RTF1: variants seen among roughly 807,000 people sequenced by gnomAD.
RTF1 encodes the protein RNA polymerase-associated protein RTF1 homolog.
A neutral mutation model predicts 95.7 loss-of-function variants in RTF1; 10 were observed. That is an observed-to-expected ratio of 0.10 (90% CI 0.06 to 0.18). The LOEUF is 0.18. RTF1 is among the 10% of genes least tolerant of loss of function. The pLI is 1.00. For missense variants in RTF1, 458 were observed against 875.6 expected (o/e 0.52, Z 6.02); for synonymous variants, 305 against 311.8 (o/e 0.98, Z 0.23).
intron 1 of RTF1, among the ~76,000 whole-genome samples, chr15:41,429,999 A>ATTTTTTTTTTT (rs2050660492): frequency 7.3e-6 from 1 of 137,562 alleles, no homozygotes; most frequent in Non-Finnish European, 1.6e-5. Flanking sequence ...AATTTATTTT[A>ATTTTTTTTTTT]TTTTTTCTTT....
chr15:41,438,439 T>A lies in RTF1; in HGVS notation c.309+8T>A, dbSNP rs1281998655. 1 of 1,541,242 alleles carries A rather than the reference T, an allele frequency of 6.5e-7. No individual in the cohort carries two copies. The highest frequency in any genetic ancestry group is 1.4e-5 in the African/African-American group (1 of 72,832). On this transcript the variant is annotated splice_region_variant and intron_variant, in intron 2 of 17. Transcript: ENST00000389629. ...TCTGACAGTGACGATGAGGTGGGTGTGGAGGGCCTCGGCTTCTGGGACCAT... is the reference window on the plus strand; with the variant it reads ...TCTGACAGTGACGATGAGGTGGGTGAGGAGGGCCTCGGCTTCTGGGACCAT...
At chr15:41,419,257 A>G (rs1305311932) in intron 1 of RTF1, among the ~76,000 whole-genome samples, 3 of 152,228 alleles carry the variant, frequency 2.0e-5, no homozygotes, top group African/African-American at 4.8e-5. Context: ...GACAATAACA[A>G]CATTGGCTAC....
chr15:41,439,216 A>C (rs1051369047), intron 2 of RTF1, among the ~76,000 whole-genome samples: 1 of 150,958 alleles, frequency 6.6e-6, no homozygotes, highest in Non-Finnish European at 1.5e-5. Context: ...TTTTATTTTT[A>C]GTAGAGACGG....
chr15:41,439,506 A>T (rs80040310), intron 2 of RTF1, among the ~76,000 whole-genome samples: 4,125 of 152,186 alleles, frequency 0.027, 78 homozygotes, highest in Middle Eastern at 0.082. Context: ...GGAAAATCCA[A>T]CTGTTCATTG....
intron 1 of RTF1, among the ~76,000 whole-genome samples, chr15:41,426,424 G>C (rs2050629891): frequency 6.6e-6 from 1 of 151,818 alleles, no homozygotes; most frequent in Non-Finnish European, 1.5e-5. Flanking sequence ...TTCTGCCTCA[G>C]CCTCCCGAGT....
At chr15:41,436,986 T>C (rs1241891554) in intron 1 of RTF1, among the ~76,000 whole-genome samples, 2 of 144,488 alleles carry the variant, frequency 1.4e-5, no homozygotes, top group Admixed American at 6.9e-5. Flanking sequence ...ACTCGGGAGG[T>C]TGACTCAGGA....
chr15:41,470,781 C>T (rs2050907381), intron 7 of RTF1, among the ~76,000 whole-genome samples: 3 of 151,048 alleles, frequency 2.0e-5, no homozygotes, highest in South Asian at 2.1e-4. Flanking sequence ...GCCTCAGCCT[C>T]CCAAGTAGCT....
intron 8 of RTF1, among the ~76,000 whole-genome samples, chr15:41,472,378 T>C (rs139530277): frequency 0.015 from 2,283 of 151,700 alleles, 54 homozygotes; most frequent in African/African-American, 0.053. Context: ...GGCTACTGTT[T>C]GTATTTTTAG....
In RTF1 at chr15:41,475,797, T is replaced by A; in HGVS notation, c.1460T>A (p.Phe487Tyr). ...LSIKEALNYK[F>Y]NDQDIEEIVK... ...ATTAAAGAAGCTCTTAATTATAAATTCAATGATCAGGACATTGAAGAGGTA... is the reference window on the plus strand; with the variant it reads ...ATTAAAGAAGCTCTTAATTATAAATACAATGATCAGGACATTGAAGAGGTA... Residue 487 changes from phenylalanine (F) to tyrosine (Y), a missense_variant, in exon 11 of 18, where the codon TTC (phenylalanine) becomes TAC (tyrosine). Coordinates refer to ENST00000389629, the MANE Select transcript of RTF1 (RefSeq NM_015138.5). The A allele has an allele frequency of 6.3e-7, 1 of 1,590,392 alleles. No homozygotes were observed. Among genetic ancestry groups the A allele is most frequent in the Non-Finnish European group, 8.6e-7 (1 of 1,160,434 alleles).
intron 6 of RTF1, among the ~76,000 whole-genome samples, chr15:41,468,995 ATC>A (rs1055206091): frequency 6.6e-6 from 1 of 151,086 alleles, no homozygotes; most frequent in Non-Finnish European, 1.5e-5. Context: ...TTGAGACAGG[ATC>A]TCTCTCTGTT....
Position 41,433,843 on chromosome 15 carries a change from CTTT to C in RTF1, c.199-4459_199-4457del, listed in dbSNP as rs11326489. Among the ~76,000 whole-genome samples, 294 of 126,074 alleles carry C rather than the reference CTTT, an allele frequency of 2.3e-3. 1 individual carries two copies. Among genetic ancestry groups the C allele is most frequent in the African/African-American group, 8.2e-3 (268 of 32,520 alleles). The allele number at this position is 126,074 out of a possible 152,430, so 82.7% of individuals were successfully genotyped here. A position where few individuals can be genotyped will look rare whatever the true frequency, so the allele number is the denominator to read the frequency against. Reference sequence around the variant, plus strand: ...TTTATTGTTGTTGTTTGCTACCACACTTTTTTTTTTTTTTTTTTTTTGATGGAG... The same window carrying C: ...TTTATTGTTGTTGTTTGCTACCACACTTTTTTTTTTTTTTTTTTGATGGAG... On this transcript the variant is annotated intron_variant, in intron 1 of 17. Transcript: ENST00000389629.
intron 2 of RTF1, among the ~76,000 whole-genome samples, chr15:41,446,948 G>A (rs895444296): frequency 7.9e-5 from 12 of 151,754 alleles, no homozygotes; most frequent in Admixed American, 6.6e-4. Context: ...GATTATAGGC[G>A]CCCACCACCA....
intron 1 of RTF1, among the ~76,000 whole-genome samples, chr15:41,417,514 GA>G (rs1233223036): frequency 6.6e-6 from 1 of 152,184 alleles, no homozygotes; most frequent in Non-Finnish European, 1.5e-5. Context: ...ACGGAGCCCC[GA>G]GGACTTGGCG....
intron 16 of RTF1, among the ~76,000 whole-genome samples, chr15:41,479,892 G>A (rs1057196420): frequency 2.0e-5 from 3 of 149,670 alleles, no homozygotes; most frequent in African/African-American, 7.4e-5. Context: ...GCAGTTTTCT[G>A]TCCAAGTTAA....
In RTF1 at chr15:41,426,779, A is replaced by ATGTGTG. The variant is rs1178988605; in HGVS notation, c.198+9467_198+9468insGTGTGT. On this transcript the variant is annotated intron_variant, in intron 1 of 17. Transcript: ENST00000389629. ...TCTACTGTGCCCAGCCGCTACATAT[A>ATGTGTG]TATGTGTGTGTGTGTGTGTGTGTGT... Among the ~76,000 whole-genome samples the ATGTGTG allele has an allele frequency of 3.6e-3, 276 of 77,568 alleles. 1 individual carries two copies. Among genetic ancestry groups the ATGTGTG allele is most frequent in the African/African-American group, 4.9e-3 (98 of 20,164 alleles). 50.9% of individuals were successfully genotyped at this position (77,568 alleles called of 152,430 possible).
intron 6 of RTF1, among the ~76,000 whole-genome samples, chr15:41,469,705 A>G (rs1052256713): frequency 4.0e-5 from 6 of 151,772 alleles, no homozygotes; most frequent in African/African-American, 1.5e-4. Flanking sequence ...TTTGTATTTT[A>G]GTAGAGACAG....
chr15:41,461,919 T>A (rs1215463453), intron 4 of RTF1, among the ~76,000 whole-genome samples: 4 of 150,700 alleles, frequency 2.7e-5, no homozygotes, highest in Non-Finnish European at 5.9e-5. Flanking sequence ...AATTTTTTTT[T>A]CTTTTTTTTT....
intron 1 of RTF1, among the ~76,000 whole-genome samples, chr15:41,428,215 G>C (rs938819491): frequency 1.7e-4 from 25 of 149,952 alleles, no homozygotes; most frequent in Non-Finnish European, 1.3e-4. Flanking sequence ...CTGTCACTTT[G>C]GGGGTTCTTG....
At chr15:41,462,253 G>GTC (rs1218000248) in intron 4 of RTF1, among the ~76,000 whole-genome samples, 1 of 152,062 alleles carries the variant, frequency 6.6e-6, no homozygotes, top group Non-Finnish European at 1.5e-5. Context: ...AATCTTTGTA[G>GTC]TCTTTTTTAT....
Sources: allele counts gnomAD v4.1 joint callset (sites outside exome capture counted in the v4.1 genomes callset), GRCh38; gene constraint gnomAD v4.1.1; transcripts MANE v1.5; gene names NCBI Gene and HGNC (gene_info 2026-07-23, HGNC 2026-07-21).